Variants in PAK3 observed in about 807,000 individuals in gnomAD.
PAK3 encodes the protein p21 (RAC1) activated kinase 3.
PAK3 carries 4 observed loss-of-function variants against 41.0 expected under a neutral mutation model. The observed-to-expected ratio is 0.10, with a 90% CI of 0.05 to 0.22. The LOEUF (loss-of-function observed/expected upper bound fraction) is 0.22. PAK3 is among the 10% of genes least tolerant of loss of function. PAK3 has a pLI of 1.00. For missense variants in PAK3, 205 were observed against 409.9 expected, an observed-to-expected ratio of 0.50 and a Z score of 4.32; for synonymous variants, 146 against 139.6, an observed-to-expected ratio of 1.05 and a Z score of -0.32.
At chrX:111,086,592 C>G (rs1210572101) in intron 1 of PAK3, among the ~76,000 whole-genome samples, 4 of 111,371 alleles carry the variant, frequency 3.6e-5, no homozygotes, top group African/African-American at 1.3e-4. Context: ...ATCTACCAAT[C>G]CCATTTACAA....
At chrX:111,154,519 T>C (rs1043687829) in intron 8 of PAK3, among the ~76,000 whole-genome samples, 1 of 111,602 alleles carries the variant, frequency 9.0e-6, no homozygotes, top group Admixed American at 9.6e-5. Context: ...AAGTACTTAG[T>C]ATAGTACTTA....
At chrX:111,001,525 C>T (rs1347301269) in intron 1 of PAK3, among the ~76,000 whole-genome samples, 1 of 112,077 alleles carries the variant, frequency 8.9e-6, no homozygotes, top group Non-Finnish European at 1.9e-5. Flanking sequence ...TAATTGGTAG[C>T]ACAAACGGGT....
intron 5 of PAK3, among the ~76,000 whole-genome samples, chrX:111,141,155 C>T (rs367616774): frequency 9.0e-6 from 1 of 111,222 alleles, no homozygotes; most frequent in African/African-American, 3.3e-5. Flanking sequence ...GTTATGGAAG[C>T]GACTAGATGC....
chrX:110,985,967 T>C (rs2091535477), intron 1 of PAK3, among the ~76,000 whole-genome samples: 1 of 111,579 alleles, frequency 9.0e-6, no homozygotes, highest in Non-Finnish European at 1.9e-5. Flanking sequence ...AATCTCATAA[T>C]CTTGAATCCA....
In PAK3 at chrX:111,225,311, A is replaced by T. The variant is rs1224548271; in HGVS notation, c.*4864A>T. ...TGTGTTTAATATTAAACAATGTCTA[A>T]CTGAATCTGCAAATGCGGGAACTGA... On this transcript the variant is annotated 3_prime_UTR_variant, in exon 18 of 18. Coordinates refer to ENST00000372007, the MANE Select transcript of PAK3 (RefSeq NM_002578.5). 8.9e-6 allele frequency: 1 copy of T among 112,245 alleles called. No individual in the cohort carries two copies. Among genetic ancestry groups the T allele is most frequent in the Non-Finnish European group, 1.9e-5 (1 of 53,315 alleles). The allele number at this position is 112,245 out of a possible 1,213,427, so 9.3% of individuals were successfully genotyped here.
At chrX:111,203,801 C>T (rs1382191073) in intron 16 of PAK3, among the ~76,000 whole-genome samples, 4 of 111,755 alleles carry the variant, frequency 3.6e-5, no homozygotes, top group Non-Finnish European at 5.6e-5. Flanking sequence ...GGTTTGATGG[C>T]GTGTGCTCAT....
intron 1 of PAK3, among the ~76,000 whole-genome samples, chrX:111,027,460 C>T (rs888523458): frequency 1.8e-5 from 2 of 111,427 alleles, no homozygotes; most frequent in African/African-American, 6.5e-5. Context: ...AGAACTCAAA[C>T]AAATCAGCGA....
intron 10 of PAK3, among the ~76,000 whole-genome samples, chrX:111,170,038 G>A (rs773029678): frequency 2.6e-4 from 29 of 111,430 alleles, no homozygotes; most frequent in African/African-American, 7.8e-4. Context: ...AAAGAGGGCA[G>A]CAGCTAGACT....
intron 1 of PAK3, among the ~76,000 whole-genome samples, chrX:111,019,169 C>T (rs1199886889): frequency 1.8e-5 from 2 of 111,098 alleles, no homozygotes; most frequent in South Asian, 3.9e-4. Flanking sequence ...GGAAAATCTT[C>T]GTGACATTGG....
At chrX:111,182,397 A>G (rs974920499) in intron 11 of PAK3, among the ~76,000 whole-genome samples, 5 of 111,401 alleles carry the variant, frequency 4.5e-5, no homozygotes, top group Non-Finnish European at 9.4e-5. Flanking sequence ...CCCTAGCTAA[A>G]GAACAGAAAA....
At chrX:110,956,495 G>T (rs2090862419) in intron 1 of PAK3, among the ~76,000 whole-genome samples, 1 of 111,366 alleles carries the variant, frequency 9.0e-6, no homozygotes, top group Non-Finnish European at 1.9e-5. Flanking sequence ...ACCCTTGTTT[G>T]GGTTAAGTAG....
intron 10 of PAK3, among the ~76,000 whole-genome samples, chrX:111,165,949 C>T (rs2094249234): frequency 9.0e-6 from 1 of 111,306 alleles, no homozygotes; most frequent in East Asian, 2.9e-4. Flanking sequence ...ACTTTGATTA[C>T]ATTTGAATTA....
chrX:111,017,637 G>A (rs1222321488), intron 1 of PAK3, among the ~76,000 whole-genome samples: 1 of 111,501 alleles, frequency 9.0e-6, no homozygotes, highest in Middle Eastern at 4.6e-3. Flanking sequence ...GATCCAATGG[G>A]TTCACCTCTA....
intron 10 of PAK3, chrX:111,169,195 T>C (rs886231451): frequency 5.9e-5 from 11 of 187,749 alleles, no homozygotes; most frequent in Admixed American, 4.3e-4. Context: ...CTCCTGTACT[T>C]AAAGACATAG....
intron 1 of PAK3, among the ~76,000 whole-genome samples, chrX:110,968,090 T>C (rs957316770): frequency 3.6e-5 from 4 of 112,658 alleles, no homozygotes; most frequent in Admixed American, 9.4e-5. Context: ...TTATGTGACT[T>C]TTTGAGACTA....
At chrX:111,002,893 G>A (rs2091870244) in intron 1 of PAK3, among the ~76,000 whole-genome samples, 3 of 111,771 alleles carry the variant, frequency 2.7e-5, no homozygotes, top group African/African-American at 9.8e-5. Flanking sequence ...GTCTGGAGCA[G>A]TGGTTCTCAG....
chrX:111,065,643 T>C (rs2092696908), intron 1 of PAK3, among the ~76,000 whole-genome samples: 1 of 111,958 alleles, frequency 8.9e-6, no homozygotes, highest in Non-Finnish European at 1.9e-5. Context: ...GTATCAGCTC[T>C]TCTTTGGCTA....
intron 1 of PAK3, among the ~76,000 whole-genome samples, chrX:111,044,664 G>T (rs1391248413): frequency 8.9e-6 from 1 of 112,030 alleles, no homozygotes; most frequent in Non-Finnish European, 1.9e-5. Flanking sequence ...GTCTGCCATT[G>T]TCTCCCATCT....
intron 1 of PAK3, among the ~76,000 whole-genome samples, chrX:111,068,529 T>C (rs1237599363): frequency 8.9e-6 from 1 of 112,584 alleles, no homozygotes; most frequent in East Asian, 2.8e-4. Context: ...CTTGAACTCC[T>C]GGGTTCAAAC....
Sources: gnomAD v4.1 joint callset for allele counts (sites outside exome capture counted in the v4.1 genomes callset) on GRCh38, gnomAD v4.1.1 for gene constraint, MANE v1.5 for transcripts, NCBI Gene and HGNC (gene_info 2026-07-23, HGNC 2026-07-21) for gene names.